Variants in SSBP4 observed in about 807,000 individuals in gnomAD.
SSBP4 encodes the protein single-stranded DNA-binding protein 4.
In SSBP4, 33 loss-of-function variants were observed where a neutral mutation model predicts 64.6. The ratio of observed to expected loss-of-function variants is 0.51; its 90% CI spans 0.39 to 0.68. The LOEUF (loss-of-function observed/expected upper bound fraction) is 0.68, where lower values mean the gene tolerates loss of function less well. Ranked by LOEUF, SSBP4 falls within the 30% of genes least tolerant of loss-of-function variation. SSBP4 has a pLI of 0.00. For missense variants in SSBP4, 583 were observed against 566.8 expected, an observed-to-expected ratio of 1.03 and a Z score of -0.29; for synonymous variants, 243 against 224.0, an observed-to-expected ratio of 1.08 and a Z score of -0.76.
At chr19:18,405,913 C>T in the SSBP4 span, among the ~76,000 whole-genome samples, 2 of 151,810 alleles carry the variant, frequency 1.3e-5, no homozygotes, top group South Asian at 4.2e-4. Context: ...ATGGTGTGCA[C>T]CTGGGAGGCG....
the SSBP4 span, among the ~76,000 whole-genome samples, chr19:18,412,074 A>T: frequency 6.6e-6 from 1 of 152,092 alleles, no homozygotes; most frequent in South Asian, 2.1e-4. Flanking sequence ...CTGAGCTGCG[A>T]GGATCGCTTG....
the SSBP4 span, among the ~76,000 whole-genome samples, chr19:18,411,589 A>C: frequency 6.6e-6 from 1 of 152,190 alleles, no homozygotes; most frequent in Non-Finnish European, 1.5e-5. Flanking sequence ...CTGGAGCTGA[A>C]GCCTGAAGGA....
chr19:18,434,037 GGGACCC>G, intron 17 of SSBP4, 174 bp from the exon 18 acceptor site: 1 of 891,152 alleles, frequency 1.1e-6, no homozygotes, highest in Non-Finnish European at 1.3e-6. Flanking sequence ...CCCCCACCCC[GGGACCC>G]GCGCCCCAGG....
chr19:18,419,054 G>T, upstream of SSBP4: 1 of 985,650 alleles, frequency 1.0e-6, no homozygotes, highest in Non-Finnish European at 1.2e-6. Flanking sequence ...TTCCAGCAGC[G>T]GGGTACACTT....
At chr19:18,431,541 T>C in intron 6 of SSBP4, 106 bp from the exon 7 acceptor site, 2 of 1,448,250 alleles carry the variant, frequency 1.4e-6, no homozygotes, top group African/African-American at 2.9e-5. Flanking sequence ...TGGCTGGTTC[T>C]GGAGGAGGGG....
rs1973615460 is a variant in SSBP4 at position 18,433,242 on chromosome 19, G to A, written c.991+29G>A. The A allele has an allele frequency of 2.6e-6, 4 of 1,543,714 alleles. No individual in the cohort carries two copies. In the East Asian group the frequency reaches 7.4e-5, roughly 28 times the overall value. The stretch of plus-strand genomic sequence containing the variant: ...AGTGGGCGTCCCTGCTCCCGCCCAC[G>A]TTGCCTTCCGGGCCCGTGCGCTCCC... On this transcript the variant is annotated intron_variant, in intron 15 of 17. Coordinates refer to ENST00000270061, the MANE Select transcript of SSBP4 (RefSeq NM_032627.5).
chr19:18,419,811 C>G lies in SSBP4; in HGVS notation c.59+104C>G, dbSNP rs541895805. On this transcript the variant is annotated intron_variant, in intron 1 of 17. Transcript: ENST00000270061. Reference sequence around the variant, plus strand: ...ACGTGGGCGCGGGCGGCGGGGAGCGCGAGCCTGAGCGCGCTCGAGGGGTCG... The same window carrying G: ...ACGTGGGCGCGGGCGGCGGGGAGCGGGAGCCTGAGCGCGCTCGAGGGGTCG... The G allele has an allele frequency of 6.1e-3, 5,247 of 856,350 alleles. 31 individuals carry two copies. Among genetic ancestry groups the G allele is most frequent in the Non-Finnish European group, 6.8e-3 (4,676 of 689,890 alleles). 53.0% of individuals were successfully genotyped at this position (856,350 alleles called of 1,614,324 possible).
At chr19:18,433,347 G>T in intron 15 of SSBP4, 134 bp downstream of exon 15, 1 of 1,315,998 alleles carries the variant, frequency 7.6e-7, no homozygotes, top group Non-Finnish European at 1.0e-6. Context: ...GGGCCGCTCA[G>T]TGACAGGGGC....
At chr19:18,409,276 T>C in the SSBP4 span, among the ~76,000 whole-genome samples, 1 of 149,310 alleles carries the variant, frequency 6.7e-6, no homozygotes, top group African/African-American at 2.5e-5. Flanking sequence ...AACCTCTACC[T>C]CCCAGGTTCA....
rs1973687903 is a variant in SSBP4 at position 18,433,593 on chromosome 19, G to T, written c.1000G>T (p.Asp334Tyr). The T allele has an allele frequency of 2.6e-6, 4 of 1,522,186 alleles. No homozygotes were observed. The highest frequency in any genetic ancestry group is 1.4e-5 in the African/African-American group (1 of 69,272). 94.3% of individuals were successfully genotyped at this position (1,522,186 alleles called of 1,614,324 possible). A position where few individuals can be genotyped will look rare whatever the true frequency, so the allele number is the denominator to read the frequency against. Residue 334 changes from aspartate to tyrosine, a missense_variant, in exon 16 of 18, where the codon GAC becomes TAC. This residue lies in a region of SSBP4 where 444 missense variants were observed against 386.6 expected (regional missense o/e 1.15). Transcript: ENST00000270061. ...TCTGTCCGTGTCTGTAGGCTCGGGC[G>T]ACATGGACGGGTTGCCGAAGGTAAG... is the stretch of plus-strand genomic sequence containing the variant. ...HHVNGSLGSG[D>Y]MDGLPKSSPG...
At chr19:18,408,925 G>C in the SSBP4 span, among the ~76,000 whole-genome samples, 2 of 151,936 alleles carry the variant, frequency 1.3e-5, no homozygotes, top group Non-Finnish European at 2.9e-5. Flanking sequence ...CGATCCTCCT[G>C]GCTCAGCCTC....
chr19:18,417,662 A>T (rs888431256), upstream of SSBP4, among the ~76,000 whole-genome samples: 1 of 151,532 alleles, frequency 6.6e-6, no homozygotes. The surrounding 1 kb of genome is among the most constrained non-coding windows in gnomAD (Gnocchi z 5.4). Flanking sequence ...GGCCCCTCCT[A>T]CCCCGCCGAG....
At chr19:18,433,654 G>T (rs756305938) in intron 16 of SSBP4, 41 bp downstream of exon 16, 17 of 1,422,780 alleles carry the variant, frequency 1.2e-5, no homozygotes, top group South Asian at 4.3e-5. Flanking sequence ...GATCCGGGGG[G>T]GGTGGCGGGG....
At chr19:18,411,479 A>G in the SSBP4 span, among the ~76,000 whole-genome samples, 2 of 152,076 alleles carry the variant, frequency 1.3e-5, no homozygotes, top group East Asian at 3.9e-4. Flanking sequence ...TGGGCAACAG[A>G]GCGAGACTTC....
the SSBP4 span, among the ~76,000 whole-genome samples, chr19:18,409,726 C>T: frequency 1.3e-5 from 2 of 151,976 alleles, no homozygotes; most frequent in East Asian, 1.9e-4. Context: ...CACTGTGTTG[C>T]CCAGGCTGGC....
rs1329457180 is a variant in SSBP4, at chr19:18,433,751, C to T, written c.1062C>T (p.Gly354=). ...TGGCCGGCCTGAGCAACGCCCCGGG[C>T]ACCCCGCGGGACGACGGCGAGATGG... is the stretch of plus-strand genomic sequence containing the variant. ...GAVAGLSNAP[G]TPRDDGEMAA... Residue 354 remains glycine (G), a synonymous_variant, in exon 17 of 18, where the codon GGC becomes GGT. Transcript: ENST00000270061. 5 of 1,438,214 alleles carry T rather than the reference C, an allele frequency of 3.5e-6. No individual in the cohort carries two copies. The highest frequency in any genetic ancestry group is 3.6e-6 in the Non-Finnish European group (4 of 1,103,970). The allele number at this position is 1,438,214 out of a possible 1,614,324, so 89.1% of individuals were successfully genotyped here.
intron 13 of SSBP4, 22 bp from the exon 14 acceptor site, chr19:18,432,951 G>A (rs1250695377): frequency 1.9e-6 from 3 of 1,613,978 alleles, no homozygotes; most frequent in African/African-American, 1.3e-5. Context: ...GTCACACCTG[G>A]CACCCTTCTG....
chr19:18,409,953 G>T, the SSBP4 span, among the ~76,000 whole-genome samples: 1 of 151,686 alleles, frequency 6.6e-6, no homozygotes, highest in African/African-American at 2.4e-5. Context: ...TGCCTCAGCC[G>T]CCTGAGTAGC....
At chr19:18,411,582 G>A in the SSBP4 span, among the ~76,000 whole-genome samples, 1 of 152,166 alleles carries the variant, frequency 6.6e-6, no homozygotes, top group Non-Finnish European at 1.5e-5. Context: ...TATGTCACTG[G>A]AGCTGAAGCC....
Sources: allele counts gnomAD v4.1 joint callset (sites outside exome capture counted in the v4.1 genomes callset), GRCh38; gene constraint gnomAD v4.1.1; regional missense constraint gnomAD v4.1.1; non-coding constraint Gnocchi (gnomAD v3.1); transcripts MANE v1.5; gene names NCBI Gene and HGNC (gene_info 2026-07-23, HGNC 2026-07-21).